Variants in EME1 observed in about 807,000 individuals in gnomAD.
The protein encoded by EME1 is structure-specific endonuclease subunit EME1.
A neutral mutation model predicts 59.1 loss-of-function variants in EME1; 61 were observed. The observed-to-expected ratio is 1.03, with a 90% CI of 0.84 to 1.28. The LOEUF (loss-of-function observed/expected upper bound fraction) is 1.28. EME1 is among the 50% of genes most tolerant of loss of function. The pLI is 0.00. For missense variants in EME1, 635 were observed against 682.6 expected (o/e 0.93, Z 0.78); for synonymous variants, 230 against 254.2 (o/e 0.90, Z 0.90).
At position 50,378,890 on chromosome 17, in the gene EME1, C is replaced by T. The variant is rs17714940; in HGVS notation, c.1107C>T (p.Cys369=). 0.014 allele frequency: 22,417 copies of T among 1,614,142 alleles called. 304 individuals carry two copies. Among genetic ancestry groups the T allele is most frequent in the African/African-American group, 0.041 (3,063 of 75,002 alleles). ...LSLVIVDQEK[C]FSAQNPPRRG... ...TGGTGATTGTGGATCAGGAGAAATGCTTCAGGTTTGGATTTGCCCTGGTGA... is the reference window on the plus strand; with the variant it reads ...TGGTGATTGTGGATCAGGAGAAATGTTTCAGGTTTGGATTTGCCCTGGTGA... Residue 369 remains cysteine, a synonymous_variant, in exon 5 of 9, where the codon TGC becomes TGT. Transcript: ENST00000338165.
rs769236361 is a variant in EME1 at position 50,380,422 on chromosome 17, T to C, written c.1457T>C (p.Ile486Thr). The C allele has an allele frequency of 1.2e-6, 2 of 1,614,176 alleles. No individual in the cohort carries two copies. The highest frequency in any genetic ancestry group is 2.2e-5 in the South Asian group (2 of 91,088). ...RGLALVWRRQ[I>T]QQLNRVSLEM... is the part of the protein sequence containing the mutation. ...CTCGCACTAGTCTGGAGGAGACAGA[T>C]TCAGCAGCTGAACCGAGTCAGCCTG... Residue 486 changes from isoleucine (I) to threonine (T), a missense_variant, in exon 8 of 9, where the codon ATT becomes ACT. Coordinates refer to ENST00000338165, the MANE Select transcript of EME1 (RefSeq NM_152463.4).
Position 50,378,844 on chromosome 17 carries a change from C to G in EME1, c.1061C>G (p.Thr354Arg), listed in dbSNP as rs199942900. 1 of 1,614,072 alleles carries G rather than the reference C, an allele frequency of 6.2e-7. No individual in the cohort carries two copies. Among genetic ancestry groups the G allele is most frequent in the Non-Finnish European group, 8.5e-7 (1 of 1,180,016 alleles). Residue 354 changes from threonine to arginine, a missense_variant, in exon 5 of 9, where the codon ACA becomes AGA. Physicochemically the swap from Thr to Arg is moderately conservative, Grantham distance 71. Coordinates refer to ENST00000338165, the MANE Select transcript of EME1 (RefSeq NM_152463.4). Reference protein sequence around the residue: ...QGFVTDITAKTAGKALSLVIV... With the variant: ...QGFVTDITAKRAGKALSLVIV... ...TTTGTAACTGACATCACAGCAAAGA[C>G]AGCAGGGAAAGCTCTGTCACTGGTG...
At position 50,380,773 on chromosome 17, in the gene EME1, AGTG is replaced by A. The variant is rs1913780395; in HGVS notation, c.1548_1550del (p.Gln516_Cys517delinsHis). ...ATCTACCACTTCCAGGCTTATCAGC[AGTG>A]TTTTTCGGATAAAGAACGCCAGAAT... On this transcript the variant is annotated inframe_deletion, in exon 9 of 9. Transcript: ENST00000338165. 3.7e-6 allele frequency: 6 copies of A among 1,614,056 alleles called. No homozygotes were observed.
intron 3 of EME1, among the ~76,000 whole-genome samples, chr17:50,377,791 T>C (rs1913552797): frequency 6.6e-6 from 1 of 151,922 alleles, no homozygotes; most frequent in Non-Finnish European, 1.5e-5. Flanking sequence ...AGTTTCACCC[T>C]GCTGCCCAGG....
Position 50,380,960 on chromosome 17 carries a change from G to T in EME1, c.*21G>T. 6.2e-7 allele frequency: 1 copy of T among 1,611,148 alleles called. No individual in the cohort carries two copies. The highest frequency in any genetic ancestry group is 2.2e-5 in the East Asian group (1 of 44,800). On this transcript the variant is annotated 3_prime_UTR_variant, in exon 9 of 9. Coordinates refer to ENST00000338165, the MANE Select transcript of EME1 (RefSeq NM_152463.4). Reference sequence around the variant, plus strand: ...ACTGATTCTAGCCCTCAGGGATGAGGATGAAAAGCTGGAAACTTCCACTTC... The same window carrying T: ...ACTGATTCTAGCCCTCAGGGATGAGTATGAAAAGCTGGAAACTTCCACTTC...
intron 3 of EME1, among the ~76,000 whole-genome samples, chr17:50,376,542 A>T (rs574818771): frequency 3.9e-5 from 6 of 152,036 alleles, no homozygotes; most frequent in Non-Finnish European, 7.4e-5. Flanking sequence ...CTACTAATGT[A>T]CCCCTCTCAG....
At position 50,379,441 on chromosome 17, in the gene EME1, T is replaced by A; in HGVS notation, c.1231-11T>A. On this transcript the variant is annotated splice_polypyrimidine_tract_variant and intron_variant, in intron 6 of 8. Coordinates refer to ENST00000338165, the MANE Select transcript of EME1 (RefSeq NM_152463.4). ...TACCCTTCCAGTCCATCGTTGCTTT[T>A]GGGTTTCTAGGCATTGGTGGATCTG... 1 of 1,613,588 alleles carries A rather than the reference T, an allele frequency of 6.2e-7. No homozygotes were observed. Among genetic ancestry groups the A allele is most frequent in the Non-Finnish European group, 8.5e-7 (1 of 1,179,642 alleles).
chr17:50,378,850 G>A lies in EME1; in HGVS notation c.1067G>A (p.Gly356Glu). The part of the protein sequence containing the change: ...FVTDITAKTA[G>E]KALSLVIVDQ... ...ACTGACATCACAGCAAAGACAGCAG[G>A]GAAAGCTCTGTCACTGGTGATTGTG... The change falls in exon 5 of 9, where the codon GGG becomes GAG. Residue 356 changes from glycine to glutamate, a missense_variant. Physicochemically the swap from Gly to Glu is moderately conservative, Grantham distance 98. Transcript: ENST00000338165. The A allele has an allele frequency of 1.2e-6, 2 of 1,614,202 alleles. No individual in the cohort carries two copies. Among genetic ancestry groups the A allele is most frequent in the Non-Finnish European group, 1.7e-6 (2 of 1,180,026 alleles).
In EME1 at chr17:50,381,149, G is replaced by A. The variant is rs1567818520; in HGVS notation, c.*210G>A. ...CTGCCACCTACCTTTGGCATTTAATGTTCCTCTCCTGGCAAAAATTCACTG... is the reference window on the plus strand; with the variant it reads ...CTGCCACCTACCTTTGGCATTTAATATTCCTCTCCTGGCAAAAATTCACTG... On this transcript the variant is annotated 3_prime_UTR_variant, in exon 9 of 9. Transcript: ENST00000338165. 1 of 595,214 alleles carries A rather than the reference G, an allele frequency of 1.7e-6. No homozygotes were observed. 36.9% of individuals were successfully genotyped at this position (595,214 alleles called of 1,614,324 possible).
chr17:50,379,004 T>C (rs1913632875), intron 5 of EME1, 103 bp from the exon 6 acceptor site: 1 of 1,611,612 alleles, frequency 6.2e-7, no homozygotes, highest in African/African-American at 1.3e-5. Flanking sequence ...AGGTAGTCCA[T>C]CTCTAACAAG....
chr17:50,379,345 G>A, intron 6 of EME1, 107 bp from the exon 7 acceptor site: 9 of 1,585,346 alleles, frequency 5.7e-6, no homozygotes, highest in African/African-American at 1.3e-5. Flanking sequence ...ACTAAGAGAA[G>A]GTACCAAACA....
At chr17:50,374,354 C>T (rs147784879) in intron 1 of EME1, among the ~76,000 whole-genome samples, 153 of 152,278 alleles carry the variant, frequency 1.0e-3, no homozygotes, top group African/African-American at 3.5e-3. Context: ...CCTCCCACCT[C>T]AGCCTCCTGA....
intron 3 of EME1, among the ~76,000 whole-genome samples, chr17:50,377,621 G>A (rs17714886): frequency 0.021 from 3,140 of 152,238 alleles, 52 homozygotes; most frequent in Middle Eastern, 0.048. Flanking sequence ...TGTTTGTAAG[G>A]ACCACTCGGC....
At position 50,379,111 on chromosome 17, in the gene EME1, C is replaced by G; in HGVS notation, c.1117C>G (p.Gln373Glu). ...TGATTTCCTCCCCTGCACCAGTGCT[C>G]AGAATCCTCCAAGAAGAGGGAAACA... The part of the protein sequence containing the change: ...IVDQEKCFSA[Q>E]NPPRRGKQGA... Residue 373 changes from glutamine (Q) to glutamate (E), a missense_variant, in exon 6 of 9, where the codon CAG becomes GAG. By Grantham distance (29) the Gln-to-Glu change is conservative. Transcript: ENST00000338165. 6.2e-7 allele frequency: 1 copy of G among 1,614,114 alleles called. No homozygotes were observed. Among genetic ancestry groups the G allele is most frequent in the Non-Finnish European group, 8.5e-7 (1 of 1,180,026 alleles).
In EME1 at chr17:50,378,658, T is replaced by A. The variant is rs760243532; in HGVS notation, c.967T>A (p.Ser323Thr). ...GTTGCTCCGGGCAGAGGCATTTGTGTCCATGATCGACAATGGAAAGCAGGT... is the reference window on the plus strand; with the variant it reads ...GTTGCTCCGGGCAGAGGCATTTGTGACCATGATCGACAATGGAAAGCAGGT... ...LVLLRAEAFV[S>T]MIDNGKQGSL... Residue 323 changes from serine (S) to threonine (T), a missense_variant, in exon 4 of 9, where the codon TCC becomes ACC. Transcript: ENST00000338165. 4 of 1,614,098 alleles carry A rather than the reference T, an allele frequency of 2.5e-6. No individual in the cohort carries two copies. Among genetic ancestry groups the A allele is most frequent in the Non-Finnish European group, 3.4e-6 (4 of 1,180,002 alleles).
At chr17:50,379,039 CT>C in intron 5 of EME1, 67 bp from the exon 6 acceptor site, 4 of 1,613,654 alleles carry the variant, frequency 2.5e-6, no homozygotes, top group Non-Finnish European at 3.4e-6. Context: ...CTGGTCCAGT[CT>C]TCTTCTGTAT....
At position 50,381,024 on chromosome 17, in the gene EME1, G is replaced by A; in HGVS notation, c.*85G>A. On this transcript the variant is annotated 3_prime_UTR_variant, in exon 9 of 9. Transcript: ENST00000338165. ...CCTGACTGTAATGAAGAGACTGGCA[G>A]CACCTCCTGGAACACAAGCCTAGGT... 1 of 1,461,712 alleles carries A rather than the reference G, an allele frequency of 6.8e-7. No individual in the cohort carries two copies. Among genetic ancestry groups the A allele is most frequent in the Non-Finnish European group, 9.4e-7 (1 of 1,060,946 alleles). 90.5% of individuals were successfully genotyped at this position (1,461,712 alleles called of 1,614,324 possible).
chr17:50,377,385 T>C (rs1024122983), intron 3 of EME1, among the ~76,000 whole-genome samples: 5 of 152,208 alleles, frequency 3.3e-5, no homozygotes, highest in Admixed American at 1.3e-4. Flanking sequence ...TCCCCAAACC[T>C]ACACTTTGCT....
intron 7 of EME1, 79 bp from the exon 8 acceptor site, chr17:50,380,233 G>A: frequency 7.0e-7 from 1 of 1,420,676 alleles, no homozygotes. Flanking sequence ...TCAGTGGGGG[G>A]GTTTTCAGTT....
Sources: allele counts gnomAD v4.1 joint callset (sites outside exome capture counted in the v4.1 genomes callset), GRCh38; gene constraint gnomAD v4.1.1; transcripts MANE v1.5; gene names NCBI Gene and HGNC (gene_info 2026-07-23, HGNC 2026-07-21).